Variants in SGCD observed in about 807,000 individuals in gnomAD.
The protein encoded by SGCD is delta-sarcoglycan.
SGCD carries 18 observed loss-of-function variants against 36.6 expected under a neutral mutation model. The ratio of observed to expected loss-of-function variants is 0.49; its 90% CI spans 0.34 to 0.73. The LOEUF (loss-of-function observed/expected upper bound fraction) is 0.73, where lower values mean the gene tolerates loss of function less well. Among genes scored for constraint, SGCD ranks in the 30% least tolerant of loss-of-function variants. SGCD has a pLI of 0.01. For synonymous variants in SGCD, 133 were observed against 130.6 expected (o/e 1.02, Z -0.12); for missense variants, 387 against 346.7 (o/e 1.12, Z -0.92).
At chr5:156,510,917 G>A (rs1398941259) in intron 4 of SGCD, among the ~76,000 whole-genome samples, 1 of 152,158 alleles carries the variant, frequency 6.6e-6, no homozygotes, top group Admixed American at 6.5e-5. Flanking sequence ...TGCATCTGTT[G>A]GGTCTGTATG....
intron 3 of SGCD, among the ~76,000 whole-genome samples, chr5:156,383,461 G>A (rs986895978): frequency 3.3e-5 from 5 of 152,148 alleles, no homozygotes; most frequent in South Asian, 2.1e-4. Context: ...CCAAGATCGC[G>A]CCACTGCATT....
the SGCD span, among the ~76,000 whole-genome samples, chr5:155,768,439 C>A: frequency 3.3e-5 from 5 of 152,036 alleles, no homozygotes; most frequent in African/African-American, 1.2e-4. Context: ...AAAGGAGCTT[C>A]CTGTTTTTGA....
At chr5:155,859,560 C>T in the SGCD span, among the ~76,000 whole-genome samples, 1 of 152,106 alleles carries the variant, frequency 6.6e-6, no homozygotes, top group Non-Finnish European at 1.5e-5. Context: ...TAATCCTTGG[C>T]CCTTGCTAGA....
At position 156,436,452 on chromosome 5, in the gene SGCD, CA is replaced by C. The variant is rs1270247894; in HGVS notation, c.193-72148del. 5.3e-5 allele frequency among the ~76,000 whole-genome samples: 8 copies of C among 152,156 alleles called. No individual in the cohort carries two copies. In the East Asian group the frequency reaches 1.5e-3, roughly 29 times the overall value. On this transcript the variant is annotated intron_variant, in intron 3 of 8. Transcript: ENST00000337851. Reference sequence around the variant, plus strand: ...CAGAACTTTCCCAAGGAATTTGACTCACGGCTTTGCTAGTGTAGGATTCTGT... The same window carrying C: ...CAGAACTTTCCCAAGGAATTTGACTCCGGCTTTGCTAGTGTAGGATTCTGT...
At chr5:156,637,632 G>T (rs1164712179) in intron 6 of SGCD, among the ~76,000 whole-genome samples, 1 of 152,078 alleles carries the variant, frequency 6.6e-6, no homozygotes, top group Non-Finnish European at 1.5e-5. Flanking sequence ...AAGGGAGTCT[G>T]GGAAAGTATT....
chr5:156,437,983 A>T (rs1753314235), intron 3 of SGCD, among the ~76,000 whole-genome samples: 1 of 152,176 alleles, frequency 6.6e-6, no homozygotes, highest in Non-Finnish European at 1.5e-5. Context: ...CATTACATTT[A>T]GAGGGATTGA....
chr5:156,317,171 T>C (rs1308491983), intron 3 of SGCD, among the ~76,000 whole-genome samples: 1 of 152,096 alleles, frequency 6.6e-6, no homozygotes, highest in Non-Finnish European at 1.5e-5. Flanking sequence ...ACTAATGGGG[T>C]GGCTCACAAA....
intron 3 of SGCD, among the ~76,000 whole-genome samples, chr5:156,163,758 C>T (rs1196634976): frequency 1.3e-5 from 2 of 151,604 alleles, no homozygotes; most frequent in Non-Finnish European, 2.9e-5. Context: ...CGGTGGCTCA[C>T]GCCTGTAATC....
chr5:155,932,238 A>T (rs1041020768), intron 1 of SGCD, among the ~76,000 whole-genome samples: 1 of 152,168 alleles, frequency 6.6e-6, no homozygotes, highest in Non-Finnish European at 1.5e-5. Context: ...TTACTGTAGC[A>T]CTTTGTACAC....
chr5:156,342,943 G>A (rs568601663), intron 2 of SGCD, among the ~76,000 whole-genome samples: 1 of 152,286 alleles, frequency 6.6e-6, no homozygotes, highest in African/African-American at 2.4e-5. Context: ...ACTAGGGTAT[G>A]TGTTTGGAAT....
chr5:156,017,646 T>A (rs1477942828), intron 1 of SGCD, among the ~76,000 whole-genome samples: 3 of 152,132 alleles, frequency 2.0e-5, no homozygotes, highest in Admixed American at 2.0e-4. Context: ...TATGTAATTA[T>A]TGAGAAACAT....
chr5:156,303,776 G>T (rs1767124464), intron 3 of SGCD, among the ~76,000 whole-genome samples: 1 of 151,628 alleles, frequency 6.6e-6, no homozygotes. Flanking sequence ...CTGGAATGGG[G>T]GCCTCTGGAT....
chr5:156,547,544 G>A (rs1334643974), intron 4 of SGCD, among the ~76,000 whole-genome samples: 2 of 151,352 alleles, frequency 1.3e-5, no homozygotes, highest in Non-Finnish European at 2.9e-5. Context: ...CCGGGTTCAC[G>A]CCATTCTCCT....
At chr5:156,190,507 T>A (rs1262645397) in intron 3 of SGCD, among the ~76,000 whole-genome samples, 1 of 152,176 alleles carries the variant, frequency 6.6e-6, no homozygotes, top group Non-Finnish European at 1.5e-5. Context: ...TGACATCTAC[T>A]TAGGGTAAAT....
intron 3 of SGCD, among the ~76,000 whole-genome samples, chr5:156,174,818 A>G (rs915764126): frequency 6.6e-6 from 1 of 152,206 alleles, no homozygotes; most frequent in Admixed American, 6.5e-5. Flanking sequence ...AGTTCCAGAA[A>G]AAACATTGAT....
intron 3 of SGCD, among the ~76,000 whole-genome samples, chr5:156,347,674 A>C (rs1203233621): frequency 1.3e-5 from 2 of 152,188 alleles, no homozygotes; most frequent in African/African-American, 4.8e-5. Flanking sequence ...GACTGTCACA[A>C]ATTTAATTTG....
intron 3 of SGCD, among the ~76,000 whole-genome samples, chr5:156,183,483 C>T (rs1281153384): frequency 6.6e-6 from 1 of 152,160 alleles, no homozygotes; most frequent in African/African-American, 2.4e-5. Flanking sequence ...TCTCAGTTTA[C>T]TGCAGCCTTC....
intron 1 of SGCD, among the ~76,000 whole-genome samples, chr5:155,988,225 G>C (rs1758369188): frequency 1.3e-5 from 2 of 152,036 alleles, no homozygotes; most frequent in Admixed American, 1.3e-4. Flanking sequence ...ATGGTCACAG[G>C]ATGACTGCTG....
At chr5:156,021,464 G>A (rs1456571061) in intron 1 of SGCD, among the ~76,000 whole-genome samples, 1 of 152,108 alleles carries the variant, frequency 6.6e-6, no homozygotes, top group Non-Finnish European at 1.5e-5. Context: ...AGGCTGCAGT[G>A]AGCTGTGATC....
Sources: allele counts gnomAD v4.1 joint callset (sites outside exome capture counted in the v4.1 genomes callset), GRCh38; gene constraint gnomAD v4.1.1; transcripts MANE v1.5; gene names NCBI Gene and HGNC (gene_info 2026-07-23, HGNC 2026-07-21).